The following LRP1B variants were observed in gnomAD, a reference collection of about 807,000 sequenced individuals.
LRP1B encodes LDL receptor related protein 1B, also known as low-density lipoprotein receptor-related protein 1B.
A neutral mutation model predicts 556.6 loss-of-function variants in LRP1B; 217 were observed. The ratio of observed to expected loss-of-function variants is 0.39; its 90% CI spans 0.35 to 0.44. LRP1B has a LOEUF of 0.44. Ranked by LOEUF, LRP1B falls within the 20% of genes least tolerant of loss-of-function variation. The pLI is 1.00. For missense variants in LRP1B, 5,053 were observed against 5,620.8 expected, an observed-to-expected ratio of 0.90 and a Z score of 3.23; for synonymous variants, 2,047 against 1,865.8, an observed-to-expected ratio of 1.10 and a Z score of -2.50.
chr2:140,716,923 G>C (rs1687233450), intron 35 of LRP1B, 107 bp from the exon 36 acceptor site: 1 of 504,806 alleles, frequency 2.0e-6, no homozygotes, highest in Non-Finnish European at 3.3e-6. Context: ...ATCATCCTGG[G>C]TATGCTAGAT....
At chr2:141,482,254 A>G (rs746907868) in intron 2 of LRP1B, among the ~76,000 whole-genome samples, 26 of 152,270 alleles carry the variant, frequency 1.7e-4, no homozygotes, top group Non-Finnish European at 2.6e-4. Flanking sequence ...ATTTTGTTGG[A>G]TGCTAAAACA....
chr2:141,343,971 G>A (rs746612170), intron 3 of LRP1B, among the ~76,000 whole-genome samples: 6 of 152,058 alleles, frequency 3.9e-5, no homozygotes, highest in Non-Finnish European at 8.8e-5. Context: ...TCTGCCTAGA[G>A]GAACCTCCCC....
At chr2:141,449,069 CTA>C (rs763414811) in intron 3 of LRP1B, among the ~76,000 whole-genome samples, 15 of 152,170 alleles carry the variant, frequency 9.9e-5, no homozygotes, top group South Asian at 2.1e-4. Context: ...ATTAACAAAA[CTA>C]TGTGAAATCT....
chr2:141,731,438 G>A (rs1164065145), intron 2 of LRP1B, among the ~76,000 whole-genome samples: 4 of 152,194 alleles, frequency 2.6e-5, no homozygotes, highest in African/African-American at 7.2e-5. Context: ...TTAATTAGAT[G>A]TAAAAATTGA....
chr2:140,631,819 T>C (rs1023435884), intron 41 of LRP1B, among the ~76,000 whole-genome samples: 2 of 151,970 alleles, frequency 1.3e-5, no homozygotes, highest in Admixed American at 1.3e-4. Context: ...GCAGAATAAA[T>C]ACTAAACTAT....
chr2:141,418,951 T>C (rs1680037696), intron 3 of LRP1B, among the ~76,000 whole-genome samples: 1 of 152,068 alleles, frequency 6.6e-6, no homozygotes, highest in Admixed American at 6.5e-5. Context: ...TTCCTAAGTA[T>C]TATATTATTT....
chr2:140,361,380 A>ATATATATATATATATATC (rs1553454115), intron 72 of LRP1B, among the ~76,000 whole-genome samples: 1 of 128,832 alleles, frequency 7.8e-6, no homozygotes, highest in Non-Finnish European at 1.7e-5. Flanking sequence ...ATATATATAT[A>ATATATATATATATATATC]ACAAAAATAA....
At chr2:140,454,416 G>A (rs1036003060) in intron 62 of LRP1B, among the ~76,000 whole-genome samples, 3 of 152,132 alleles carry the variant, frequency 2.0e-5, no homozygotes, top group South Asian at 2.1e-4. Context: ...CTCCCAAAGT[G>A]CTGGGATTAC....
At chr2:140,522,080 T>A (rs979456652) in intron 49 of LRP1B, among the ~76,000 whole-genome samples, 1 of 151,986 alleles carries the variant, frequency 6.6e-6, no homozygotes, top group African/African-American at 2.4e-5. Flanking sequence ...ACACTTGACC[T>A]ATTGGACCTA....
At chr2:141,889,924 G>A (rs1699232018) in intron 1 of LRP1B, among the ~76,000 whole-genome samples, 1 of 151,952 alleles carries the variant, frequency 6.6e-6, no homozygotes. Context: ...GCACTCTTTA[G>A]TTAGTGACAC....
At chr2:140,568,810 A>G (rs1474655741) in intron 43 of LRP1B, among the ~76,000 whole-genome samples, 1 of 152,114 alleles carries the variant, frequency 6.6e-6, no homozygotes, top group Non-Finnish European at 1.5e-5. Flanking sequence ...ACAGACCAGG[A>G]AATAATGTAA....
intron 1 of LRP1B, among the ~76,000 whole-genome samples, chr2:142,050,729 A>G (rs564146732): frequency 2.0e-5 from 3 of 152,242 alleles, no homozygotes; most frequent in Non-Finnish European, 2.9e-5. Flanking sequence ...TATGCCCAAC[A>G]CAACCAATAT....
At chr2:140,357,453 A>T (rs1034367448) in intron 74 of LRP1B, among the ~76,000 whole-genome samples, 4 of 151,726 alleles carry the variant, frequency 2.6e-5, no homozygotes, top group Middle Eastern at 3.4e-3. Context: ...CATACATTTA[A>T]TTATTTTTCT....
chr2:141,634,720 T>C (rs1468874184), intron 2 of LRP1B, among the ~76,000 whole-genome samples: 1 of 151,998 alleles, frequency 6.6e-6, no homozygotes, highest in Non-Finnish European at 1.5e-5. Context: ...TATATATTTG[T>C]ATGAAATTCT....
At chr2:140,883,527 T>C (rs541654932) in intron 25 of LRP1B, among the ~76,000 whole-genome samples, 1 of 149,280 alleles carries the variant, frequency 6.7e-6, no homozygotes, top group Admixed American at 6.7e-5. Context: ...AGAGTTGCAA[T>C]AGCTTCCAAT....
At chr2:141,960,892 AT>A (rs1363603400) in intron 1 of LRP1B, among the ~76,000 whole-genome samples, 2 of 151,858 alleles carry the variant, frequency 1.3e-5, no homozygotes, top group Non-Finnish European at 2.9e-5. Context: ...CTTAAAGTAT[AT>A]TACCTCATTT....
At chr2:141,360,342 G>A (rs530147991) in intron 3 of LRP1B, among the ~76,000 whole-genome samples, 27 of 152,272 alleles carry the variant, frequency 1.8e-4, no homozygotes, top group East Asian at 3.9e-4. Context: ...TAAGACCTTC[G>A]TTTATTCAGT....
chr2:141,817,301 G>A (rs951999807), intron 1 of LRP1B, among the ~76,000 whole-genome samples: 1 of 152,062 alleles, frequency 6.6e-6, no homozygotes, highest in Non-Finnish European at 1.5e-5. Flanking sequence ...GCCTAAGGAA[G>A]AAGATCAAAG....
Position 140,882,030 on chromosome 2 carries a change from G to T in LRP1B, c.4169+1787C>A, listed in dbSNP as rs143803219. Among the ~76,000 whole-genome samples the T allele has an allele frequency of 6.1e-4, 93 of 152,168 alleles. 2 individuals carry two copies. In the East Asian group the frequency reaches 0.016, roughly 26 times the overall value. ...CCATTTTTAAACTTTCATACACCTG[G>T]TTTTTTGTTTGTTTTCTGTGTCATT... is the stretch of plus-strand genomic sequence containing the variant. On this transcript the variant is annotated intron_variant, in intron 25 of 90. Coordinates refer to ENST00000389484, the MANE Select transcript of LRP1B (RefSeq NM_018557.3).
Sources: allele counts gnomAD v4.1 joint callset (sites outside exome capture counted in the v4.1 genomes callset), GRCh38; gene constraint gnomAD v4.1.1; transcripts MANE v1.5; gene names NCBI Gene and HGNC (gene_info 2026-07-23, HGNC 2026-07-21).